Variants in MYH16 observed in about 807,000 individuals in gnomAD.
The protein encoded by MYH16 is myosin heavy chain 16.
downstream of MYH16, among the ~76,000 whole-genome samples, chr7:99,308,889 C>T (rs1374975986): frequency 2.6e-5 from 4 of 152,104 alleles, no homozygotes; most frequent in African/African-American, 9.7e-5. Context: ...GCCAGAAGTT[C>T]GAGACCAGCC....
intron 1 of MYH16, among the ~76,000 whole-genome samples, chr7:99,240,097 G>A (rs1005811724): frequency 1.3e-5 from 2 of 150,944 alleles, no homozygotes; most frequent in Non-Finnish European, 2.9e-5. Context: ...AGGGTCTCTT[G>A]TATTCTTGGC....
chr7:99,266,763 T>G (rs972712079), intron 17 of MYH16: 6 of 152,616 alleles, frequency 3.9e-5, no homozygotes, highest in African/African-American at 1.4e-4. Context: ...CCAAAGTCCA[T>G]CTCAAAGACC....
At chr7:99,294,108 A>G (rs1346825524) in exon 33 of MYH16, 2 of 455,696 alleles carry the variant, frequency 4.4e-6, no homozygotes, top group Admixed American at 4.7e-5. Flanking sequence ...ATAAGCAGAG[A>G]CTCCAGGCAG....
downstream of MYH16, among the ~76,000 whole-genome samples, chr7:99,307,312 C>G (rs1209093417): frequency 6.6e-6 from 1 of 152,194 alleles, no homozygotes; most frequent in Non-Finnish European, 1.5e-5. Context: ...ATCATCACAG[C>G]TACCATTTCT....
chr7:99,297,426 A>G (rs978090096), intron 34 of MYH16, among the ~76,000 whole-genome samples: 13 of 151,904 alleles, frequency 8.6e-5, no homozygotes, highest in Admixed American at 5.9e-4. Flanking sequence ...GAGCAACACT[A>G]TGTCCCAAAA....
At chr7:99,269,219 C>G (rs1290352667) in intron 18 of MYH16, among the ~76,000 whole-genome samples, 7 of 152,170 alleles carry the variant, frequency 4.6e-5, no homozygotes, top group African/African-American at 1.7e-4. Flanking sequence ...CCTCTCCCAT[C>G]CCCTCCCTAC....
intron 20 of MYH16, among the ~76,000 whole-genome samples, chr7:99,273,807 A>G (rs2150816798): frequency 6.6e-6 from 1 of 151,126 alleles, no homozygotes; most frequent in East Asian, 2.0e-4. Flanking sequence ...GGAGAGAGGA[A>G]AGGAAGACAG....
chr7:99,268,943 G>A (rs2150814688), intron 18 of MYH16, among the ~76,000 whole-genome samples: 1 of 152,148 alleles, frequency 6.6e-6, no homozygotes, highest in South Asian at 2.1e-4. Context: ...AGGTCCCAGG[G>A]GCCCTGCAGG....
At chr7:99,245,974 G>C (rs1172765753) in intron 2 of MYH16, among the ~76,000 whole-genome samples, 2 of 151,964 alleles carry the variant, frequency 1.3e-5, no homozygotes, top group Non-Finnish European at 2.9e-5. Flanking sequence ...GGCCAACGTG[G>C]GTGGATTGTT....
At chr7:99,303,669 G>A (rs1792639124) in intron 39 of MYH16, among the ~76,000 whole-genome samples, 1 of 152,198 alleles carries the variant, frequency 6.6e-6, no homozygotes. Context: ...GGGCATCATG[G>A]CATGTGCCTG....
intron 20 of MYH16, among the ~76,000 whole-genome samples, chr7:99,276,444 CAAAGGG>C (rs1792112694): frequency 6.6e-6 from 1 of 152,238 alleles, no homozygotes. Context: ...TTAGGAACCC[CAAAGGG>C]ATGGGAGGGA....
At position 99,279,752 on chromosome 7, in the gene MYH16, G is replaced by A. The variant is rs529526442; in HGVS notation, n.2887+15G>A. The A allele has an allele frequency of 1.8e-5, 8 of 452,178 alleles. No individual in the cohort carries two copies. The highest frequency in any genetic ancestry group is 1.0e-4 in the African/African-American group (5 of 49,956). The allele number at this position is 452,178 out of a possible 1,614,324, so 28.0% of individuals were successfully genotyped here. On this transcript the variant is annotated intron_variant and non_coding_transcript_variant, in intron 22 of 41. Coordinates refer to ENST00000439784, the Ensembl canonical transcript of MYH16. ...AGGAGAAGCAGGTGAGGAGAGGCCG[G>A]GGCCCTGCCACGCTTTTCTCAGGCC...
At chr7:99,274,630 CCGCCTGTTCCATGACT>C (rs988748798) in intron 20 of MYH16, among the ~76,000 whole-genome samples, 3 of 152,082 alleles carry the variant, frequency 2.0e-5, no homozygotes, top group African/African-American at 7.2e-5. Flanking sequence ...CTGGCTTTCC[CCGCCTGTTCCATGACT>C]CACCTTTCTT....
intron 13 of MYH16, among the ~76,000 whole-genome samples, chr7:99,262,384 C>T (rs577586879): frequency 1.2e-3 from 183 of 152,184 alleles, no homozygotes; most frequent in Non-Finnish European, 2.3e-3. Context: ...AACCATAATG[C>T]CAATTGCTTG....
intron 28 of MYH16, 102 bp from the exon 10 acceptor site, chr7:99,287,790 G>A (rs141396252): frequency 0.023 from 8,607 of 377,240 alleles, 130 homozygotes; most frequent in Non-Finnish European, 0.034. Context: ...TTCTTTTAGC[G>A]AGGTACAGGA....
exon 27 of MYH16, chr7:99,285,389 T>C (rs114396933): frequency 8.8e-4 from 404 of 456,710 alleles, no homozygotes; most frequent in African/African-American, 7.0e-3. Context: ...TAGGACCGAA[T>C]TGAAGAGCTG....
intron 29 of MYH16, 37 bp from the exon 11 acceptor site, chr7:99,289,250 C>A: frequency 3.7e-6 from 1 of 271,544 alleles, no homozygotes; most frequent in Non-Finnish European, 8.0e-6. Flanking sequence ...CCTCCCCCAC[C>A]CGCAACTTCC....
At chr7:99,288,175 C>A (rs1257023006) in intron 29 of MYH16, 38 bp downstream of exon 10, 1 of 451,360 alleles carries the variant, frequency 2.2e-6, no homozygotes, top group African/African-American at 2.0e-5. Flanking sequence ...CAGTGGCTCA[C>A]TCCTGTAATC....
At chr7:99,277,604 G>A (rs1042451208) in exon 21 of MYH16, 1 of 457,076 alleles carries the variant, frequency 2.2e-6, no homozygotes, top group Admixed American at 2.3e-5. Flanking sequence ...AGGAGCTCAG[G>A]AAAGCCATGG....
Sources: allele counts gnomAD v4.1 joint callset (sites outside exome capture counted in the v4.1 genomes callset), GRCh38; gene constraint gnomAD v4.1.1; transcripts MANE v1.5; gene names NCBI Gene and HGNC (gene_info 2026-07-23, HGNC 2026-07-21).